The following AK7 variants were observed in gnomAD, a reference collection of about 807,000 sequenced individuals.
AK7 encodes adenylate kinase 7.
In AK7, 78 loss-of-function variants were observed where a neutral mutation model predicts 96.6. That is an observed-to-expected ratio of 0.81 (90% CI 0.67 to 0.97). The LOEUF is 0.97. Ranked by LOEUF, AK7 falls within the 50% of genes least tolerant of loss-of-function variation. The pLI, the probability that AK7 is intolerant of heterozygous loss-of-function variation, is 0.00. For missense variants in AK7, 855 were observed against 887.9 expected (o/e 0.96, Z 0.47); for synonymous variants, 302 against 317.2 (o/e 0.95, Z 0.51).
chr14:96,471,466 T>C lies in AK7; in HGVS notation c.1358-12T>C. ...ATTATAAGTAATATATACATATATGTTTTTTTATCAGGTCAACTAGACGAT... is the reference window on the plus strand; with the variant it reads ...ATTATAAGTAATATATACATATATGCTTTTTTATCAGGTCAACTAGACGAT... On this transcript the variant is annotated splice_polypyrimidine_tract_variant and intron_variant, in intron 12 of 17. Transcript: ENST00000267584. 1 of 1,366,660 alleles carries C rather than the reference T, an allele frequency of 7.3e-7. No homozygotes were observed. The highest frequency in any genetic ancestry group is 1.0e-6 in the Non-Finnish European group (1 of 995,546). 84.7% of individuals were successfully genotyped at this position (1,366,660 alleles called of 1,614,324 possible).
chr14:96,451,218 G>A (rs966543692), intron 9 of AK7, among the ~76,000 whole-genome samples: 41 of 152,274 alleles, frequency 2.7e-4, no homozygotes, highest in Middle Eastern at 3.4e-3. Context: ...AAGGTGGCCC[G>A]CCATCAGAGT....
At chr14:96,465,604 A>G (rs1237573060) in intron 12 of AK7, among the ~76,000 whole-genome samples, 1 of 152,356 alleles carries the variant, frequency 6.6e-6, no homozygotes, top group African/African-American at 2.4e-5. Context: ...TTAATGCCAA[A>G]AAGCTTTTAT....
intron 10 of AK7, among the ~76,000 whole-genome samples, chr14:96,454,043 C>T (rs549955908): frequency 6.6e-5 from 10 of 152,238 alleles, no homozygotes; most frequent in Admixed American, 1.3e-4. Context: ...CCTCCCTATC[C>T]GATGGGACCA....
Position 96,420,874 on chromosome 14 carries a change from A to T in AK7, c.551A>T (p.His184Leu). The T allele has an allele frequency of 6.2e-7, 1 of 1,613,680 alleles. No individual in the cohort carries two copies. The highest frequency in any genetic ancestry group is 8.5e-7 in the Non-Finnish European group (1 of 1,179,612). Reference protein sequence around the residue: ...TEEDYRRRKSHPNFLDHINAE... With the variant: ...TEEDYRRRKSLPNFLDHINAE... Reference sequence around the variant, plus strand: ...GAAGATTATCGAAGAAGAAAGTCTCATCCTAATTTTCTGGACCACATAAAT... The same window carrying T: ...GAAGATTATCGAAGAAGAAAGTCTCTTCCTAATTTTCTGGACCACATAAAT... The change falls in exon 5 of 18, where the codon CAT becomes CTT. Residue 184 changes from histidine (H) to leucine (L), a missense_variant. His to Leu is a moderately conservative substitution (Grantham distance 99, BLOSUM62 -3). Transcript: ENST00000267584.
At chr14:96,430,319 G>A (rs1892278804) in intron 5 of AK7, among the ~76,000 whole-genome samples, 1 of 151,608 alleles carries the variant, frequency 6.6e-6, no homozygotes. Flanking sequence ...CCGAGTAGCT[G>A]GGACTACAGG....
intron 4 of AK7, among the ~76,000 whole-genome samples, chr14:96,418,644 G>T (rs1323133628): frequency 6.6e-6 from 1 of 151,850 alleles, no homozygotes; most frequent in Non-Finnish European, 1.5e-5. Flanking sequence ...TCAGCCTCCC[G>T]AGTAGCTGGG....
intron 5 of AK7, chr14:96,421,342 G>C (rs1487803598): frequency 6.4e-6 from 1 of 157,458 alleles, no homozygotes; most frequent in Non-Finnish European, 1.4e-5. Flanking sequence ...ATTTGCCCAA[G>C]GTCACATAAC....
chr14:96,392,208 G>C lies in AK7; in HGVS notation c.54G>C (p.Gln18His). ...AALTEKVIRT[Q>H]RVFINLLDSY... The stretch of plus-strand genomic sequence containing the variant: ...TCACGGAGAAGGTTATCCGGACCCA[G>C]AGGGTGTTTATAAACCTGTTGGATT... Residue 18 changes from glutamine to histidine, a missense_variant, in exon 1 of 18, where the codon CAG becomes CAC. Physicochemically the swap from Gln to His is conservative, Grantham distance 24. Coordinates refer to ENST00000267584, the MANE Select transcript of AK7 (RefSeq NM_152327.5). The C allele has an allele frequency of 6.2e-7, 1 of 1,613,846 alleles. No homozygotes were observed. Among genetic ancestry groups the C allele is most frequent in the Non-Finnish European group, 8.5e-7 (1 of 1,179,746 alleles).
intron 3 of AK7, among the ~76,000 whole-genome samples, chr14:96,408,195 T>C (rs1175705688): frequency 6.6e-6 from 1 of 152,284 alleles, no homozygotes; most frequent in Non-Finnish European, 1.5e-5. Flanking sequence ...GGTTGCCTTA[T>C]GGGAACTCCT....
rs149714243 is a variant in AK7, at chr14:96,474,180, C to G, written c.1555+1425C>G. 2.2e-3 allele frequency among the ~76,000 whole-genome samples: 337 copies of G among 152,306 alleles called. 3 individuals carry two copies. Among genetic ancestry groups the G allele is most frequent in the African/African-American group, 7.6e-3 (317 of 41,562 alleles). ...TAACTGAAAAGGGCCTGCCTGCTCA[C>G]TGGTATCAAGTCCCCGAGGAAGGCA... On this transcript the variant is annotated intron_variant, in intron 14 of 17. Transcript: ENST00000267584.
At chr14:96,422,821 C>T (rs1257141220) in intron 5 of AK7, among the ~76,000 whole-genome samples, 1 of 152,154 alleles carries the variant, frequency 6.6e-6, no homozygotes, top group African/African-American at 2.4e-5. Flanking sequence ...TTGACATGTC[C>T]ATTATAAAAT....
rs748476629 is a variant in AK7, at chr14:96,398,323, C to T, written c.294+60C>T. On this transcript the variant is annotated intron_variant, in intron 2 of 17. Coordinates refer to ENST00000267584, the MANE Select transcript of AK7 (RefSeq NM_152327.5). ...AGGGAAGAGTCACCTTCCGCTCCAA[C>T]GCCTTGACAACTTGTTTTACTGTTT... 6.5e-5 allele frequency: 102 copies of T among 1,566,770 alleles called. 1 individual carries two copies. Among genetic ancestry groups the T allele is most frequent in the Middle Eastern group, 2.3e-4 (1 of 4,382 alleles).
intron 5 of AK7, among the ~76,000 whole-genome samples, chr14:96,435,628 T>G (rs918828081): frequency 2.6e-5 from 4 of 152,138 alleles, no homozygotes; most frequent in Admixed American, 2.6e-4. Flanking sequence ...GCAGTCCTTA[T>G]GGCCTGGATT....
At chr14:96,419,596 T>C (rs1346836307) in intron 4 of AK7, among the ~76,000 whole-genome samples, 2 of 152,052 alleles carry the variant, frequency 1.3e-5, no homozygotes, top group African/African-American at 4.8e-5. Context: ...ATCAGGCCAC[T>C]GCACTCCAGC....
intron 4 of AK7, among the ~76,000 whole-genome samples, chr14:96,411,530 TAAAGGAAA>T (rs1891028971): frequency 6.6e-6 from 1 of 151,242 alleles, no homozygotes; most frequent in African/African-American, 2.4e-5. Context: ...AATAAATAAA[TAAAGGAAA>T]AATTATAGAA....
chr14:96,423,758 G>C lies in AK7; in HGVS notation c.609+2826G>C, dbSNP rs1043010367. 4.1e-6 allele frequency: 3 copies of C among 727,856 alleles called. No homozygotes were observed. The African/African-American group carries it at 5.2e-5, about 13-fold the overall frequency. The allele number at this position is 727,856 out of a possible 1,614,324, so 45.1% of individuals were successfully genotyped here. A position where few individuals can be genotyped will look rare whatever the true frequency, so the allele number is the denominator to read the frequency against. The stretch of plus-strand genomic sequence containing the variant: ...GTCGTCCCACTCGGCCTGGTAACAC[G>C]TGCCGGCCACCGGGACCCCGAGCGC... On this transcript the variant is annotated intron_variant, in intron 5 of 17. Transcript: ENST00000267584.
intron 2 of AK7, among the ~76,000 whole-genome samples, chr14:96,402,189 A>G (rs571527872): frequency 9.6e-6 from 1 of 104,290 alleles, no homozygotes; most frequent in African/African-American, 4.0e-5. Context: ...ACAGATGCAC[A>G]CACACACACA....
chr14:96,480,493 C>T (rs1038439), intron 15 of AK7, among the ~76,000 whole-genome samples: 12,339 of 152,130 alleles, frequency 0.081, 653 homozygotes, highest in Non-Finnish European at 0.12. Flanking sequence ...TCTGCACCCT[C>T]AGAGCAGTGA....
At chr14:96,418,851 C>G (rs900158404) in intron 4 of AK7, among the ~76,000 whole-genome samples, 1 of 152,204 alleles carries the variant, frequency 6.6e-6, no homozygotes, top group African/African-American at 2.4e-5. Flanking sequence ...TCTCCTGCCT[C>G]TTCAGTTGTT....
Sources: gnomAD v4.1 joint callset for allele counts (sites outside exome capture counted in the v4.1 genomes callset) on GRCh38, gnomAD v4.1.1 for gene constraint, MANE v1.5 for transcripts, NCBI Gene and HGNC (gene_info 2026-07-23, HGNC 2026-07-21) for gene names.